DPP6: variants seen among roughly 807,000 people sequenced by gnomAD.
DPP6 encodes A-type potassium channel modulatory protein DPP6.
DPP6 carries 69 observed loss-of-function variants against 122.6 expected under a neutral mutation model. The ratio of observed to expected loss-of-function variants is 0.56; its 90% CI spans 0.46 to 0.69. DPP6 has a LOEUF of 0.69. Among genes scored for constraint, DPP6 ranks in the 30% least tolerant of loss-of-function variants. The pLI is 0.00. For synonymous variants in DPP6, 418 were observed against 433.1 expected, an observed-to-expected ratio of 0.97 and a Z score of 0.43; for missense variants, 928 against 1,116.9, an observed-to-expected ratio of 0.83 and a Z score of 2.41.
chr7:153,808,561 T>C, the DPP6 span, among the ~76,000 whole-genome samples: 1 of 152,008 alleles, frequency 6.6e-6, no homozygotes, highest in Non-Finnish European at 1.5e-5. Flanking sequence ...ATCTGAAAGG[T>C]TGTAACCTTT....
At chr7:154,047,319 A>G (rs1404400555) in intron 1 of DPP6, among the ~76,000 whole-genome samples, 3 of 146,202 alleles carry the variant, frequency 2.1e-5, no homozygotes, top group Non-Finnish European at 4.4e-5. Flanking sequence ...ACTCATTCCT[A>G]TCACTTTAAC....
intron 1 of DPP6, among the ~76,000 whole-genome samples, chr7:154,142,964 A>G (rs917510042): frequency 2.2e-5 from 3 of 138,374 alleles, no homozygotes; most frequent in African/African-American, 8.3e-5. Flanking sequence ...GCCAAAGCGG[A>G]TTGTTCCAAC....
intron 8 of DPP6, among the ~76,000 whole-genome samples, chr7:154,748,893 TTTCCA>T (rs1843168993): frequency 6.6e-6 from 1 of 152,180 alleles, no homozygotes; most frequent in Non-Finnish European, 1.5e-5. Context: ...CATTTGGGTA[TTTCCA>T]GGTGGCTCAA....
At chr7:154,874,335 C>A (rs367736839) in intron 19 of DPP6, among the ~76,000 whole-genome samples, 1 of 152,312 alleles carries the variant, frequency 6.6e-6, no homozygotes, top group African/African-American at 2.4e-5. Flanking sequence ...TAAAAGTGGT[C>A]GTGCCCGGTG....
chr7:154,778,713 C>CCAT (rs1796751762), intron 10 of DPP6, among the ~76,000 whole-genome samples: 2 of 149,146 alleles, frequency 1.3e-5, no homozygotes, highest in Non-Finnish European at 3.0e-5. Flanking sequence ...ACCACCACCA[C>CCAT]CTCTGTCACC....
chr7:154,314,849 G>T (rs186971155), intron 1 of DPP6, among the ~76,000 whole-genome samples: 92 of 152,266 alleles, frequency 6.0e-4, no homozygotes, highest in African/African-American at 2.1e-3. Flanking sequence ...AGCTGCAAAG[G>T]AAATAAAGGA....
the DPP6 span, among the ~76,000 whole-genome samples, chr7:153,833,330 A>C: frequency 1.1e-3 from 168 of 152,326 alleles, 2 homozygotes; most frequent in African/African-American, 3.5e-3. Flanking sequence ...GTATAGGCAT[A>C]AGCATGATTT....
rs910389461 is a variant in DPP6, at chr7:154,869,772, C to T, written c.1813+1679C>T. Among the ~76,000 whole-genome samples, 3 of 152,210 alleles carry T rather than the reference C, an allele frequency of 2.0e-5. No individual in the cohort carries two copies. The South Asian group carries it at 6.2e-4, about 31-fold the overall frequency. On this transcript the variant is annotated intron_variant, in intron 18 of 25. Transcript: ENST00000377770. ...TATGCTCTATCACAACTTTTCTGGA[C>T]ATTGCATTCACCTCTGAAAGTCAGA...
intron 1 of DPP6, among the ~76,000 whole-genome samples, chr7:154,156,235 C>T (rs1363264396): frequency 6.6e-6 from 1 of 152,262 alleles, no homozygotes; most frequent in Non-Finnish European, 1.5e-5. Flanking sequence ...CTTTTGCAGG[C>T]CGGCATGGTA....
At chr7:154,815,161 G>A (rs959698939) in intron 16 of DPP6, among the ~76,000 whole-genome samples, 4 of 152,228 alleles carry the variant, frequency 2.6e-5, no homozygotes, top group Non-Finnish European at 5.9e-5. Context: ...CTGTGCCAGA[G>A]ACAGTTCTTA....
intron 1 of DPP6, among the ~76,000 whole-genome samples, chr7:154,091,397 G>C (rs1466253609): frequency 6.6e-6 from 1 of 152,176 alleles, no homozygotes. Flanking sequence ...GCTTCTCATA[G>C]CTGGGCATAT....
intron 1 of DPP6, among the ~76,000 whole-genome samples, chr7:153,960,964 G>A (rs901415388): frequency 1.3e-5 from 2 of 152,182 alleles, no homozygotes; most frequent in African/African-American, 4.8e-5. Flanking sequence ...GGATGGCAGT[G>A]CTTCTGACAT....
intron 1 of DPP6, among the ~76,000 whole-genome samples, chr7:154,376,484 C>T (rs1040960641): frequency 1.3e-5 from 2 of 152,134 alleles, no homozygotes; most frequent in Non-Finnish European, 2.9e-5. Flanking sequence ...AGTTGTTTTT[C>T]TCAGTGGATC....
intron 14 of DPP6, among the ~76,000 whole-genome samples, chr7:154,804,625 C>A (rs1798578089): frequency 6.6e-6 from 1 of 152,196 alleles, no homozygotes; most frequent in Non-Finnish European, 1.5e-5. Flanking sequence ...ATTTCCACAT[C>A]CACATTCAGG....
chr7:154,796,604 G>A (rs574488039), intron 12 of DPP6, among the ~76,000 whole-genome samples: 1 of 152,286 alleles, frequency 6.6e-6, no homozygotes, highest in Admixed American at 6.5e-5. Flanking sequence ...CCTTCCTAAG[G>A]GGATGAAAAT....
At chr7:153,880,293 C>A in the DPP6 span, among the ~76,000 whole-genome samples, 29 of 152,272 alleles carry the variant, frequency 1.9e-4, no homozygotes, top group African/African-American at 6.0e-4. Context: ...ATATACTGTG[C>A]TTCACTGATT....
intron 1 of DPP6, among the ~76,000 whole-genome samples, chr7:154,019,766 C>G (rs1798609865): frequency 6.6e-6 from 1 of 152,114 alleles, no homozygotes; most frequent in Non-Finnish European, 1.5e-5. Flanking sequence ...AAATCATGAC[C>G]CAAAATTAGT....
intron 1 of DPP6, among the ~76,000 whole-genome samples, chr7:154,018,754 C>G (rs983898775): frequency 3.9e-5 from 6 of 152,230 alleles, no homozygotes; most frequent in Non-Finnish European, 5.9e-5. Flanking sequence ...TTTGCATGAG[C>G]AGAATGTAAA....
intron 1 of DPP6, among the ~76,000 whole-genome samples, chr7:153,953,967 C>G (rs1368481340): frequency 6.6e-6 from 1 of 152,170 alleles, no homozygotes; most frequent in Non-Finnish European, 1.5e-5. Flanking sequence ...TCCTTCCTTC[C>G]CAGAAGTCCT....
Sources: gnomAD v4.1 joint callset for allele counts (sites outside exome capture counted in the v4.1 genomes callset) on GRCh38, gnomAD v4.1.1 for gene constraint, MANE v1.5 for transcripts, NCBI Gene and HGNC (gene_info 2026-07-23, HGNC 2026-07-21) for gene names.